PRKCH: variants seen among roughly 807,000 people sequenced by gnomAD.
PRKCH encodes protein kinase C eta.
PRKCH carries 28 observed loss-of-function variants against 82.5 expected under a neutral mutation model. The ratio of observed to expected loss-of-function variants is 0.34; its 90% CI spans 0.25 to 0.47. The LOEUF (loss-of-function observed/expected upper bound fraction) is 0.47, where lower values mean the gene tolerates loss of function less well. PRKCH is among the 20% of genes least tolerant of loss of function. The probability of loss-of-function intolerance (pLI) is 1.00; values close to 1 mark genes in which losing one functional copy is unlikely to be tolerated. For synonymous variants in PRKCH, 322 were observed against 327.4 expected (o/e 0.98, Z 0.18); for missense variants, 705 against 881.8 (o/e 0.80, Z 2.54).
At position 61,246,066 on chromosome 14, in the gene PRKCH, A is replaced by C. The variant is rs2044878270; in HGVS notation, c.-19+58398A>C. On this transcript the variant is annotated intron_variant, in intron 1 of 3. Coordinates refer to the PRKCH transcript ENST00000555185. ...CCCAAAGTGCTGCTATTCATTGGAC[A>C]AATATTGAGTCCAATGCAGTGTCCA... Among the ~76,000 whole-genome samples, 3 of 152,146 alleles carry C rather than the reference A, an allele frequency of 2.0e-5. No individual in the cohort carries two copies. In the South Asian group the frequency reaches 6.2e-4, roughly 32 times the overall value.
At position 61,457,230 on chromosome 14, in the gene PRKCH, G is replaced by C. The variant is rs765283121; in HGVS notation, c.1015G>C (p.Gly339Arg). 1 of 1,614,206 alleles carries C rather than the reference G, an allele frequency of 6.2e-7. No individual in the cohort carries two copies. Among genetic ancestry groups the C allele is most frequent in the Admixed American group, 1.7e-5 (1 of 60,028 alleles). The stretch of plus-strand genomic sequence containing the variant: ...ACAGGGAAAGGAGAGCAGCAAAGAA[G>C]GAAATGGGATTGGGGTTAATTCTTC... ...RRQGKESSKEGNGIGVNSSNR... is the reference protein window; with the variant it reads ...RRQGKESSKERNGIGVNSSNR... The change falls in exon 8 of 14, where the codon GGA (glycine) becomes CGA (arginine). Residue 339 changes from glycine (G) to arginine (R), a missense_variant. By Grantham distance (125) the Gly-to-Arg change is moderately radical. Around this residue, in one of 5 missense-constraint regions of PRKCH, gnomAD observed 238 missense variants for 258.1 expected, o/e 0.92. Transcript: ENST00000332981.
Position 61,366,177 on chromosome 14 carries a change from G to A in PRKCH, c.364-25048G>A, listed in dbSNP as rs117594323. Reference sequence around the variant, plus strand: ...CCATACTGTGTAGACAGTAAAAATCGTACACTTTTTGAAAGTCTTTGAAAA... The same window carrying A: ...CCATACTGTGTAGACAGTAAAAATCATACACTTTTTGAAAGTCTTTGAAAA... On this transcript the variant is annotated intron_variant, in intron 1 of 13. Transcript: ENST00000332981. 1.8e-4 allele frequency among the ~76,000 whole-genome samples: 28 copies of A among 152,134 alleles called. No individual in the cohort carries two copies. In the East Asian group the frequency reaches 4.6e-3, roughly 25 times the overall value.
intron 1 of PRKCH, among the ~76,000 whole-genome samples, chr14:61,294,135 T>C (rs2045387604): frequency 6.6e-6 from 1 of 152,072 alleles, no homozygotes; most frequent in Non-Finnish European, 1.5e-5. Flanking sequence ...TTATTTTTTT[T>C]TTTGAGACAG....
chr14:61,471,204 C>G (rs1885487344), intron 9 of PRKCH, among the ~76,000 whole-genome samples: 1 of 152,244 alleles, frequency 6.6e-6, no homozygotes, highest in Admixed American at 6.5e-5. Flanking sequence ...CCCAAGGCAG[C>G]AATCATGGGA....
At chr14:61,207,898 G>A (rs1162466195) in intron 1 of PRKCH, among the ~76,000 whole-genome samples, 5 of 152,176 alleles carry the variant, frequency 3.3e-5, no homozygotes, top group South Asian at 2.1e-4. Context: ...TGCCTGGCCC[G>A]GCAGCGAAGG....
intron 1 of PRKCH, among the ~76,000 whole-genome samples, chr14:61,365,249 A>AGGTATAGGGCAGGTATAGGTATAG: frequency 5.9e-5 from 9 of 152,122 alleles, no homozygotes; most frequent in South Asian, 2.1e-4. Flanking sequence ...GGTATAGGAT[A>AGGTATAGGGCAGGTATAGGTATAG]GTGTATCTGA....
intron 1 of PRKCH, among the ~76,000 whole-genome samples, chr14:61,347,441 C>A (rs1178036704): frequency 6.6e-6 from 1 of 152,172 alleles, no homozygotes; most frequent in Admixed American, 6.5e-5. Context: ...GGTACCCATA[C>A]CCAGGTGTGG....
intron 1 of PRKCH, among the ~76,000 whole-genome samples, chr14:61,334,764 C>A (rs917639382): frequency 1.3e-5 from 2 of 152,072 alleles, no homozygotes; most frequent in Non-Finnish European, 2.9e-5. Flanking sequence ...TGTTTGCTAC[C>A]TTATAGGCTT....
chr14:61,388,392 G>A (rs2046622508), intron 1 of PRKCH, among the ~76,000 whole-genome samples: 1 of 152,134 alleles, frequency 6.6e-6, no homozygotes, highest in South Asian at 2.1e-4. Context: ...GAGAGCTCCT[G>A]CTTCTAACTG....
intron 1 of PRKCH, among the ~76,000 whole-genome samples, chr14:61,323,666 A>G (rs2045660105): frequency 6.6e-6 from 1 of 152,252 alleles, no homozygotes; most frequent in South Asian, 2.1e-4. Flanking sequence ...CCTTTCTTTT[A>G]AATAGAAGTA....
In PRKCH at chr14:61,270,405, A is replaced by G. The variant is rs2045141075; in HGVS notation, c.-19+82737A>G. ...CCATCTCTCCACGCTAGCAGTGGCCAGGATTTTTCCTCCCTCATACAGTGT... is the reference window on the plus strand; with the variant it reads ...CCATCTCTCCACGCTAGCAGTGGCCGGGATTTTTCCTCCCTCATACAGTGT... On this transcript the variant is annotated intron_variant, in intron 1 of 3. Transcript: ENST00000555185. Among the ~76,000 whole-genome samples, 7 of 152,326 alleles carry G rather than the reference A, an allele frequency of 4.6e-5. No individual in the cohort carries two copies. The South Asian group carries it at 1.4e-3, about 32-fold the overall frequency.
In PRKCH at chr14:61,352,688, AG is replaced by A. The variant is rs371606533; in HGVS notation, c.363+30226del. The stretch of plus-strand genomic sequence containing the variant: ...AGAGAGAGAGAGAGAGAGAAAGGAA[AG>A]GAAAGAAAGAAAGAAAGAAAGAAAG... On this transcript the variant is annotated intron_variant, in intron 1 of 13. Transcript: ENST00000332981. Among the ~76,000 whole-genome samples, 662 of 116,606 alleles carry A rather than the reference AG, an allele frequency of 5.7e-3. 4 individuals carry two copies. The highest frequency in any genetic ancestry group is 0.012 in the African/African-American group (373 of 29,920). The allele number at this position is 116,606 out of a possible 152,430, so 76.5% of individuals were successfully genotyped here.
chr14:61,386,543 C>T (rs1322833545), intron 1 of PRKCH, among the ~76,000 whole-genome samples: 5 of 152,054 alleles, frequency 3.3e-5, no homozygotes, highest in East Asian at 3.9e-4. Flanking sequence ...GGGCTTCTGG[C>T]GTGGCCTACT....
intron 1 of PRKCH, among the ~76,000 whole-genome samples, chr14:61,300,263 C>T (rs950117834): frequency 4.6e-5 from 7 of 152,026 alleles, no homozygotes; most frequent in African/African-American, 9.7e-5. Flanking sequence ...TCTTAGATAA[C>T]ATGTAACAGG....
intron 1 of PRKCH, among the ~76,000 whole-genome samples, chr14:61,315,138 T>C (rs1356450723): frequency 6.6e-6 from 1 of 152,196 alleles, no homozygotes; most frequent in African/African-American, 2.4e-5. Flanking sequence ...CCCACTTATT[T>C]AGATGTATCT....
At chr14:61,383,902 G>T (rs1446036418) in intron 1 of PRKCH, among the ~76,000 whole-genome samples, 1 of 152,212 alleles carries the variant, frequency 6.6e-6, no homozygotes, top group African/African-American at 2.4e-5. Flanking sequence ...GGATAGATTA[G>T]TGGGAAGGCA....
chr14:61,368,351 A>G (rs1163177180), intron 1 of PRKCH, among the ~76,000 whole-genome samples: 2 of 150,494 alleles, frequency 1.3e-5, no homozygotes, highest in African/African-American at 2.4e-5. Context: ...TGTCCCCAAG[A>G]TGATCTTGCC....
chr14:61,227,912 T>A (rs960177920), intron 1 of PRKCH, among the ~76,000 whole-genome samples: 6 of 152,150 alleles, frequency 3.9e-5, no homozygotes, highest in Admixed American at 1.3e-4. Flanking sequence ...AGGCTCATAA[T>A]CGTTTTGCTA....
Position 61,528,973 on chromosome 14 carries a change from CGTGTGTGTGT to C in PRKCH, c.1434-78_1434-69del, listed in dbSNP as rs57920054. ...GCTCATGCGGCCGCATGTGGCCGCA[CGTGTGTGTGT>C]GTGTGTGTGTGTGTGTGTGTGTGCC... On this transcript the variant is annotated intron_variant, in intron 10 of 13. Transcript: ENST00000332981. 206 of 567,262 alleles carry C rather than the reference CGTGTGTGTGT, an allele frequency of 3.6e-4. 1 individual carries two copies. In the Middle Eastern group the frequency reaches 5.1e-3, roughly 14 times the overall value. 35.1% of individuals were successfully genotyped at this position (567,262 alleles called of 1,614,324 possible).
Sources: gnomAD v4.1 joint callset for allele counts (sites outside exome capture counted in the v4.1 genomes callset) on GRCh38, gnomAD v4.1.1 for gene constraint, gnomAD v4.1.1 regional missense constraint, MANE v1.5 for transcripts, NCBI Gene and HGNC (gene_info 2026-07-23, HGNC 2026-07-21) for gene names.